Variants in SPART observed in about 807,000 individuals in gnomAD.
SPART encodes spastic paraplegia 20 (Troyer syndrome).
SPART carries 35 observed loss-of-function variants against 58.7 expected under a neutral mutation model. The observed-to-expected ratio is 0.60, with a 90% CI of 0.46 to 0.79. The LOEUF (loss-of-function observed/expected upper bound fraction) is 0.79, where lower values mean the gene tolerates loss of function less well. Ranked by LOEUF, SPART falls within the 30% of genes least tolerant of loss-of-function variation. The pLI is 0.00. For synonymous variants in SPART, 284 were observed against 280.7 expected, an observed-to-expected ratio of 1.01 and a Z score of -0.12; for missense variants, 730 against 786.1, an observed-to-expected ratio of 0.93 and a Z score of 0.85.
intron 2 of SPART, among the ~76,000 whole-genome samples, chr13:36,333,340 A>G (rs1045530891): frequency 1.4e-4 from 21 of 152,038 alleles, no homozygotes; most frequent in Non-Finnish European, 2.9e-5. Flanking sequence ...AAAAAAACTT[A>G]ATTTCCTATT....
chr13:36,304,516 G>C lies in SPART; in HGVS notation c.1850C>G (p.Ala617Gly), dbSNP rs750464257. The stretch of plus-strand genomic sequence containing the variant: ...AAGGAGAGTGTGTCCTGTTTGTGTT[G>C]CAGTTTTCTTCACCATTGCTTTGAT... ...IGIKAMVKKT[A>G]TQTGHTLLED... The change falls in exon 9 of 9, where the codon GCA becomes GGA. Residue 617 changes from alanine to glycine, a missense_variant. Ala to Gly is a moderately conservative substitution (Grantham distance 60). Coordinates refer to ENST00000438666, the MANE Select transcript of SPART (RefSeq NM_015087.5). The C allele has an allele frequency of 7.4e-6, 12 of 1,613,898 alleles. No homozygotes were observed. The highest frequency in any genetic ancestry group is 1.0e-5 in the Non-Finnish European group (12 of 1,179,992).
intron 8 of SPART, among the ~76,000 whole-genome samples, chr13:36,311,693 ATTC>A (rs372870136): frequency 1.6e-4 from 24 of 152,244 alleles, no homozygotes; most frequent in African/African-American, 4.8e-4. Context: ...TAGAAATACT[ATTC>A]TTCTCCCTAT....
chr13:36,305,264 A>T (rs1159529207), intron 8 of SPART, among the ~76,000 whole-genome samples: 1 of 152,048 alleles, frequency 6.6e-6, no homozygotes. Flanking sequence ...TGGCTCAACT[A>T]TAATCTCATT....
In SPART at chr13:36,335,596, G is replaced by T. The variant is rs1883923054; in HGVS notation, c.235C>A (p.Gln79Lys). 17 of 1,613,496 alleles carry T rather than the reference G, an allele frequency of 1.1e-5. No individual in the cohort carries two copies. Among genetic ancestry groups the T allele is most frequent in the Non-Finnish European group, 1.4e-5 (17 of 1,179,846 alleles). Reference protein sequence around the residue: ...PGWESARQMQQKMKETLQNVR... With the variant: ...PGWESARQMQKKMKETLQNVR... ...TTCTGTAGAGTTTCTTTCATTTTCT[G>T]TTGCATCTGTCTAGCAGATTCCCAC... Residue 79 changes from glutamine to lysine, a missense_variant, in exon 2 of 9, where the codon CAG becomes AAG. Physicochemically the swap from Gln to Lys is moderately conservative, Grantham distance 53. Coordinates refer to ENST00000438666, the MANE Select transcript of SPART (RefSeq NM_015087.5).
intron 1 of SPART, among the ~76,000 whole-genome samples, chr13:36,361,108 T>C (rs1035593172): frequency 6.6e-6 from 1 of 152,220 alleles, no homozygotes; most frequent in Non-Finnish European, 1.5e-5. Flanking sequence ...TCAACATTAA[T>C]ATAATGTAAC....
intron 1 of SPART, among the ~76,000 whole-genome samples, chr13:36,359,935 A>AC (rs1043120651): frequency 6.6e-6 from 1 of 151,116 alleles, no homozygotes; most frequent in Non-Finnish European, 1.5e-5. Context: ...AAAAAAAAAA[A>AC]AAAAAAACAC....
chr13:36,319,660 G>A (rs1252529180), intron 5 of SPART, among the ~76,000 whole-genome samples: 1 of 142,782 alleles, frequency 7.0e-6, no homozygotes, highest in African/African-American at 2.5e-5. Context: ...CTCAGTACCT[G>A]CCTCTACAAC....
intron 1 of SPART, among the ~76,000 whole-genome samples, chr13:36,356,703 C>A (rs9315412): frequency 0.35 from 52,680 of 152,114 alleles, 9,808 homozygotes; most frequent in Non-Finnish European, 0.42. Context: ...TGCACCTCGA[C>A]CACCTTGGGC....
At chr13:36,307,454 T>TCAGCTACACTTAACTTAACTTAAATC (rs1261276602) in intron 8 of SPART, among the ~76,000 whole-genome samples, 1 of 152,040 alleles carries the variant, frequency 6.6e-6, no homozygotes, top group Non-Finnish European at 1.5e-5. Flanking sequence ...CACTTAACTA[T>TCAGCTACACTTAACTTAACTTAAATC]AGCATAGTAC....
In SPART at chr13:36,307,454, T is replaced by C. The variant is rs537532667; in HGVS notation, c.1734-2822A>G. ...CCAATAAATCAGCTACACTTAACTA[T>C]AGCATAGTACCAAAAACCATAAAAC... On this transcript the variant is annotated intron_variant, in intron 8 of 8. Coordinates refer to ENST00000438666, the MANE Select transcript of SPART (RefSeq NM_015087.5). 1.1e-4 allele frequency among the ~76,000 whole-genome samples: 16 copies of C among 152,158 alleles called. No individual in the cohort carries two copies. In the South Asian group the frequency reaches 2.5e-3, roughly 24 times the overall value.
rs73169227 is a variant in SPART at position 36,306,300 on chromosome 13, C to T, written c.1734-1668G>A. Among the ~76,000 whole-genome samples, 768 of 152,150 alleles carry T rather than the reference C, an allele frequency of 5.0e-3. 3 individuals carry two copies. Among genetic ancestry groups the T allele is most frequent in the Non-Finnish European group, 7.1e-3 (481 of 67,984 alleles). On this transcript the variant is annotated intron_variant, in intron 8 of 8. Coordinates refer to ENST00000438666, the MANE Select transcript of SPART (RefSeq NM_015087.5). ...GCTGATGGTGCCTTCTCATTGTCAA[C>T]CAAGCCCCAGTAACAAATACTACTG... is the stretch of plus-strand genomic sequence containing the variant.
chr13:36,359,333 T>C (rs1172953131), intron 1 of SPART, among the ~76,000 whole-genome samples: 1 of 152,222 alleles, frequency 6.6e-6, no homozygotes, highest in Non-Finnish European at 1.5e-5. Flanking sequence ...TTTAAAACCT[T>C]AGCATGTTTT....
upstream of SPART, among the ~76,000 whole-genome samples, chr13:36,350,649 T>C (rs1686888694): frequency 1.3e-5 from 2 of 152,022 alleles, no homozygotes; most frequent in Admixed American, 6.5e-5. Context: ...CAGATCCTTC[T>C]AAAAAAAATA....
chr13:36,311,683 T>C (rs1437169057), intron 8 of SPART, among the ~76,000 whole-genome samples: 1 of 152,238 alleles, frequency 6.6e-6, no homozygotes, highest in South Asian at 2.1e-4. Context: ...GTTATTATAC[T>C]AGAAATACTA....
Position 36,339,627 on chromosome 13 carries a change from C to CAAAAAAA in SPART, c.-2-3802_-2-3796dup, listed in dbSNP as rs71084420. On this transcript the variant is annotated intron_variant, in intron 1 of 8. Coordinates refer to ENST00000438666, the MANE Select transcript of SPART (RefSeq NM_015087.5). ...GCCTGTTCACAGAGCACGACTCCAT[C>CAAAAAAA]AAAAAAAAAAAAAAAAAAAAAAAAA... Among the ~76,000 whole-genome samples the CAAAAAAA allele has an allele frequency of 3.9e-3, 151 of 38,800 alleles. 3 individuals carry two copies. Among genetic ancestry groups the CAAAAAAA allele is most frequent in the East Asian group, 5.5e-3 (7 of 1,274 alleles). 25.5% of individuals were successfully genotyped at this position (38,800 alleles called of 152,430 possible).
chr13:36,322,661 G>T (rs1217192448), intron 5 of SPART, among the ~76,000 whole-genome samples: 2 of 152,082 alleles, frequency 1.3e-5, no homozygotes, highest in Non-Finnish European at 2.9e-5. Flanking sequence ...AAGAGAGGGG[G>T]AAAATTGGCA....
chr13:36,345,852 G>T (rs1039545288), intron 1 of SPART, among the ~76,000 whole-genome samples: 2 of 152,106 alleles, frequency 1.3e-5, no homozygotes, highest in African/African-American at 2.4e-5. Flanking sequence ...AGAGATCTGC[G>T]AAGCCAAAGT....
At chr13:36,333,419 T>G (rs1883645622) in intron 2 of SPART, among the ~76,000 whole-genome samples, 1 of 128,974 alleles carries the variant, frequency 7.8e-6, no homozygotes, top group South Asian at 2.6e-4. Context: ...TTTAGTTGGA[T>G]TATTATTGTA....
intron 4 of SPART, among the ~76,000 whole-genome samples, chr13:36,327,999 G>C (rs117714763): frequency 6.6e-6 from 1 of 152,098 alleles, no homozygotes; most frequent in African/African-American, 2.4e-5. Context: ...ATCTGCAGGG[G>C]TGAGGAGACA....
Sources: gnomAD v4.1 joint callset for allele counts (sites outside exome capture counted in the v4.1 genomes callset) on GRCh38, gnomAD v4.1.1 for gene constraint, MANE v1.5 for transcripts, NCBI Gene and HGNC (gene_info 2026-07-23, HGNC 2026-07-21) for gene names.